The following NCEH1 variants were observed in gnomAD, a reference collection of about 807,000 sequenced individuals.
NCEH1 encodes the protein 2-acetyl MAGE hydrolase.
In NCEH1, 9 loss-of-function variants were observed where a neutral mutation model predicts 25.4. That is an observed-to-expected ratio of 0.35 (90% confidence interval 0.21 to 0.62). NCEH1 has a LOEUF of 0.62. Among genes scored for constraint, NCEH1 ranks in the 20% least tolerant of loss-of-function variants. NCEH1 has a pLI of 0.72. For missense variants in NCEH1, 412 were observed against 501.1 expected (o/e 0.82, Z 1.70); for synonymous variants, 200 against 199.8 (o/e 1.00, Z -0.01).
chr3:172,711,013 T>C lies in NCEH1; in HGVS notation c.-29A>G, dbSNP rs536476740. On this transcript the variant is annotated 5_prime_UTR_variant, in exon 1 of 5. Coordinates refer to ENST00000475381, the MANE Select transcript of NCEH1 (RefSeq NM_020792.6). ...GCCCTGGCTCGGCTCGCCAGCGGGC[T>C]GGCAAAGAGGAAAGGGCGATACCAC... 1.6e-5 allele frequency: 26 copies of C among 1,613,806 alleles called. No individual in the cohort carries two copies. In the South Asian group the frequency reaches 2.5e-4, roughly 16 times the overall value.
At chr3:172,669,858 G>A (rs1210432394) in intron 1 of NCEH1, among the ~76,000 whole-genome samples, 1 of 152,150 alleles carries the variant, frequency 6.6e-6, no homozygotes, top group Non-Finnish European at 1.5e-5. Context: ...CAAAGGACTT[G>A]TGTAGCATAC....
chr3:172,667,484 C>T (rs1195153245), intron 1 of NCEH1, among the ~76,000 whole-genome samples: 1 of 152,172 alleles, frequency 6.6e-6, no homozygotes, highest in Non-Finnish European at 1.5e-5. Context: ...AGGTGGATGA[C>T]CTAAGGTTGC....
At chr3:172,662,705 T>G (rs1261361052) in intron 1 of NCEH1, among the ~76,000 whole-genome samples, 1 of 152,228 alleles carries the variant, frequency 6.6e-6, no homozygotes, top group Non-Finnish European at 1.5e-5. Context: ...AGAGTGTATG[T>G]GTCCAGGAAT....
chr3:172,641,127 C>G (rs1241272487), intron 3 of NCEH1, among the ~76,000 whole-genome samples: 1 of 152,016 alleles, frequency 6.6e-6, no homozygotes, highest in Non-Finnish European at 1.5e-5. Flanking sequence ...AATACATAAA[C>G]TAGAGGTAAA....
chr3:172,642,968 C>T (rs1014082255), intron 3 of NCEH1, among the ~76,000 whole-genome samples: 6 of 152,044 alleles, frequency 3.9e-5, no homozygotes, highest in Non-Finnish European at 5.9e-5. Context: ...GACAGAGTTT[C>T]GCTTTTGTTG....
At chr3:172,687,601 T>C (rs1305481385) in intron 1 of NCEH1, among the ~76,000 whole-genome samples, 1 of 152,196 alleles carries the variant, frequency 6.6e-6, no homozygotes, top group Non-Finnish European at 1.5e-5. Flanking sequence ...AGGTGTAATA[T>C]CAGGGAGTAG....
At chr3:172,673,645 T>C (rs766238259) in intron 1 of NCEH1, among the ~76,000 whole-genome samples, 28 of 152,176 alleles carry the variant, frequency 1.8e-4, no homozygotes, top group Non-Finnish European at 2.8e-4. Flanking sequence ...CAGGGATGTA[T>C]TGTAGGGAAC....
chr3:172,710,839 C>T lies in NCEH1; in HGVS notation c.138+8G>A. The T allele has an allele frequency of 6.2e-7, 1 of 1,613,870 alleles. No individual in the cohort carries two copies. The highest frequency in any genetic ancestry group is 8.5e-7 in the Non-Finnish European group (1 of 1,179,950). On this transcript the variant is annotated splice_region_variant and intron_variant, in intron 1 of 4. Transcript: ENST00000475381. ...GGAAGAGAGAAGCAGCGCTGGGCTG[C>T]ACCTCACCACTTGCTGTGCACCCCG...
rs1270462752 is a variant in NCEH1 at position 172,632,961 on chromosome 3, G to T, written c.*514C>A. The T allele has an allele frequency of 3.3e-5, 5 of 152,686 alleles. No homozygotes were observed. The highest frequency in any genetic ancestry group is 3.3e-4 in the Admixed American group (5 of 15,282). The allele number at this position is 152,686 out of a possible 1,614,324, so 9.5% of individuals were successfully genotyped here. A position where few individuals can be genotyped will look rare whatever the true frequency, so the allele number is the denominator to read the frequency against. On this transcript the variant is annotated 3_prime_UTR_variant, in exon 5 of 5. Coordinates refer to ENST00000475381, the MANE Select transcript of NCEH1 (RefSeq NM_020792.6). ...AAAACCTTTGCCAAAATTCCCATAG[G>T]AAACAAAACCATCCATTCACAAAAG...
intron 1 of NCEH1, among the ~76,000 whole-genome samples, chr3:172,677,809 T>TC (rs1712105904): frequency 3.0e-5 from 1 of 33,518 alleles, no homozygotes; most frequent in Non-Finnish European, 6.7e-5. Context: ...GCACCTGTAG[T>TC]CCCAGCTACT....
intron 1 of NCEH1, among the ~76,000 whole-genome samples, chr3:172,697,807 T>C (rs1713454357): frequency 6.6e-6 from 1 of 152,168 alleles, no homozygotes; most frequent in Non-Finnish European, 1.5e-5. Flanking sequence ...TGTGAAGAAG[T>C]TACTTAACTT....
At chr3:172,669,640 G>A (rs537220574) in intron 1 of NCEH1, among the ~76,000 whole-genome samples, 1 of 152,202 alleles carries the variant, frequency 6.6e-6, no homozygotes, top group Non-Finnish European at 1.5e-5. Context: ...GGGTTCAAGT[G>A]ATTCTCCTGC....
At chr3:172,643,937 A>G (rs566536765) in intron 3 of NCEH1, among the ~76,000 whole-genome samples, 33 of 152,312 alleles carry the variant, frequency 2.2e-4, no homozygotes, top group Admixed American at 1.2e-3. Flanking sequence ...CAACTGCCCA[A>G]ATCATTTCCT....
chr3:172,659,821 C>G (rs958209171), intron 1 of NCEH1, among the ~76,000 whole-genome samples: 1 of 152,126 alleles, frequency 6.6e-6, no homozygotes, highest in Non-Finnish European at 1.5e-5. Flanking sequence ...CAAACAGCCA[C>G]CCCCATCTTT....
At chr3:172,677,371 T>C (rs1299332388) in intron 1 of NCEH1, among the ~76,000 whole-genome samples, 3 of 152,208 alleles carry the variant, frequency 2.0e-5, no homozygotes, top group East Asian at 3.9e-4. Flanking sequence ...CAGATTCAGA[T>C]GATAATAAAT....
intron 1 of NCEH1, among the ~76,000 whole-genome samples, chr3:172,677,525 CA>C (rs1473274426): frequency 1.3e-5 from 2 of 151,856 alleles, no homozygotes; most frequent in East Asian, 3.9e-4. Flanking sequence ...CTGAATGTCA[CA>C]AGGACTTGTG....
intron 1 of NCEH1, among the ~76,000 whole-genome samples, chr3:172,665,238 G>A (rs1044645723): frequency 1.3e-5 from 2 of 152,314 alleles, no homozygotes; most frequent in South Asian, 2.1e-4. Context: ...AGGTCTGTTG[G>A]AGTTCGCTGG....
chr3:172,685,437 C>T (rs969982674), intron 1 of NCEH1, among the ~76,000 whole-genome samples: 1 of 152,154 alleles, frequency 6.6e-6, no homozygotes, highest in African/African-American at 2.4e-5. Flanking sequence ...TAAATGGATG[C>T]AAATGAAGTC....
At position 172,665,031 on chromosome 3, in the gene NCEH1, G is replaced by T. The variant is rs118116388; in HGVS notation, c.139-16917C>A. ...CGAGGCGCTGTGATCCTTTGGTGTA[G>T]ATGAGGCACTCTGATTTTTAGAATT... On this transcript the variant is annotated intron_variant, in intron 1 of 4. Transcript: ENST00000475381. Among the ~76,000 whole-genome samples, 29 of 152,304 alleles carry T rather than the reference G, an allele frequency of 1.9e-4. No homozygotes were observed. The East Asian group carries it at 4.2e-3, about 22-fold the overall frequency.
Sources: allele counts gnomAD v4.1 joint callset (sites outside exome capture counted in the v4.1 genomes callset), GRCh38; gene constraint gnomAD v4.1.1; transcripts MANE v1.5; gene names NCBI Gene and HGNC (gene_info 2026-07-23, HGNC 2026-07-21).